The following UNKL variants were observed in gnomAD, a reference collection of about 807,000 sequenced individuals.
UNKL encodes putative E3 ubiquitin-protein ligase UNKL.
UNKL carries 60 observed loss-of-function variants against 78.0 expected under a neutral mutation model. The ratio of observed to expected loss-of-function variants is 0.77; its 90% CI spans 0.63 to 0.95. The LOEUF is 0.95. Among genes scored for constraint, UNKL ranks in the 40% least tolerant of loss-of-function variants. UNKL has a pLI of 0.00. For synonymous variants in UNKL, 608 were observed against 474.8 expected, an observed-to-expected ratio of 1.28 and a Z score of -3.65; for missense variants, 1,159 against 1,045.7, an observed-to-expected ratio of 1.11 and a Z score of -1.49.
At position 1,398,489 on chromosome 16, in the gene UNKL, G is replaced by A. The variant is rs58624674; in HGVS notation, c.734+885C>T. The A allele has an allele frequency of 7.6e-3, 9,324 of 1,226,808 alleles. 515 individuals are homozygous for A. The African/African-American group carries it at 0.13, about 17-fold the overall frequency. The allele number at this position is 1,226,808 out of a possible 1,614,324, so 76.0% of individuals were successfully genotyped here. A position where few individuals can be genotyped will look rare whatever the true frequency, so the allele number is the denominator to read the frequency against. On this transcript the variant is annotated intron_variant, in intron 5 of 14. Coordinates refer to ENST00000389221, the MANE Select transcript of UNKL (RefSeq NM_001372107.1). ...GAAGCTGCTCAGAGGGAGACTGAAC[G>A]TGGCATAACAACAAGGAGTGGGGCG...
rs2142102048 is a variant in UNKL at position 1,387,293 on chromosome 16, AG to A, written c.1087-1909del. Among the ~76,000 whole-genome samples, 1 of 152,294 alleles carries A rather than the reference AG, an allele frequency of 6.6e-6. No individual in the cohort carries two copies. Among genetic ancestry groups the A allele is most frequent in the East Asian group, 1.9e-4 (1 of 5,178 alleles). On this transcript the variant is annotated intron_variant, in intron 9 of 14. Coordinates refer to ENST00000389221, the MANE Select transcript of UNKL (RefSeq NM_001372107.1). This position sits in a 1 kb window ranked among gnomAD's most constrained non-coding sequence, Gnocchi z 4.1. ...AATCCCCCATGGTGAGCCTGGTGAC[AG>A]GGTTGCTGGAAGCCTCATGTTCTCC...
chr16:1,396,433 C>T lies in UNKL; in HGVS notation c.852+745G>A, dbSNP rs527678070. Among the ~76,000 whole-genome samples the T allele has an allele frequency of 2.7e-4, 40 of 150,348 alleles. No homozygotes were observed. In the South Asian group the frequency reaches 4.6e-3, roughly 17 times the overall value. ...TCCCGAGTAGCTAGGACTACAGGCG[C>T]GCACCACCACACCCAGCTAATTTTG... On this transcript the variant is annotated intron_variant, in intron 6 of 14. Coordinates refer to ENST00000389221, the MANE Select transcript of UNKL (RefSeq NM_001372107.1).
In UNKL at chr16:1,401,698, C is replaced by G. The variant is rs2037534505; in HGVS notation, c.468G>C (p.Glu156Asp). The change falls in exon 4 of 15, where the codon GAG (glutamate) becomes GAC (aspartate). Residue 156 changes from glutamate (E) to aspartate (D), a missense_variant. Coordinates refer to ENST00000389221, the MANE Select transcript of UNKL (RefSeq NM_001372107.1). ...DLRPPVCDVRELQAQEALQNG... is the reference protein window; with the variant it reads ...DLRPPVCDVRDLQAQEALQNG... The stretch of plus-strand genomic sequence containing the variant: ...TCTGCAAGGCTTCCTGGGCCTGCAG[C>G]TCCCTGCAAGCCGAGGACACAGTGG... The G allele has an allele frequency of 3.1e-6, 5 of 1,609,058 alleles. No individual in the cohort carries two copies. Among genetic ancestry groups the G allele is most frequent in the Admixed American group, 3.3e-5 (2 of 59,920 alleles).
At chr16:1,404,550 G>A (rs1431878908) in intron 2 of UNKL, among the ~76,000 whole-genome samples, 1 of 152,180 alleles carries the variant, frequency 6.6e-6, no homozygotes, top group East Asian at 1.9e-4. Context: ...GGGTCCCCAG[G>A]AGCCAGCCAA....
intron 6 of UNKL, 125 bp downstream of exon 6, chr16:1,397,053 G>A (rs1009975049): frequency 1.9e-6 from 2 of 1,063,212 alleles, no homozygotes; most frequent in South Asian, 1.5e-5. Context: ...CAGGCTTCCC[G>A]ACCTGTGCCA....
chr16:1,374,325 G>C (rs1464790374), intron 10 of UNKL, among the ~76,000 whole-genome samples: 3 of 152,198 alleles, frequency 2.0e-5, no homozygotes, highest in Non-Finnish European at 2.9e-5. Context: ...CTGGCTGCAA[G>C]TTCTTGGACC....
intron 10 of UNKL, among the ~76,000 whole-genome samples, chr16:1,376,480 T>G (rs1383520311): frequency 6.7e-6 from 1 of 148,506 alleles, no homozygotes; most frequent in Admixed American, 6.7e-5. Context: ...AGGGCTGGGG[T>G]GCACTCCTCC....
At chr16:1,395,594 C>T (rs1395559331) in intron 6 of UNKL, 1 of 434,910 alleles carries the variant, frequency 2.3e-6, no homozygotes, top group Non-Finnish European at 4.7e-6. Flanking sequence ...CCATCTCAGG[C>T]TGCCCCTTCC....
intron 12 of UNKL, 31 bp from the exon 13 acceptor site, chr16:1,367,889 C>T (rs527782908): frequency 2.0e-6 from 3 of 1,526,218 alleles, no homozygotes; most frequent in South Asian, 2.5e-5. Flanking sequence ...GACGGCCCAG[C>T]CCTGCTGTGC....
chr16:1,375,602 C>A (rs1412991713), intron 10 of UNKL, among the ~76,000 whole-genome samples: 2 of 152,178 alleles, frequency 1.3e-5, no homozygotes, highest in African/African-American at 4.8e-5. Context: ...ACGGAGACAC[C>A]GTTCCAATGA....
chr16:1,399,275 CA>C lies in UNKL; in HGVS notation c.734+98del. On this transcript the variant is annotated intron_variant, in intron 5 of 14. Coordinates refer to ENST00000389221, the MANE Select transcript of UNKL (RefSeq NM_001372107.1). This position sits in a 1 kb window ranked among gnomAD's most constrained non-coding sequence, Gnocchi z 5.8. ...CCCGGGGATGATGGTGCCACAAGGG[CA>C]GCCCTCCCATTAGAACCCCGGGGTG... 7.0e-7 allele frequency: 1 copy of C among 1,425,030 alleles called. No individual in the cohort carries two copies. Among genetic ancestry groups the C allele is most frequent in the East Asian group, 2.5e-5 (1 of 39,278 alleles). 88.3% of individuals were successfully genotyped at this position (1,425,030 alleles called of 1,614,324 possible).
At chr16:1,369,829 G>A (rs2035639154) in intron 12 of UNKL, 1 of 942,174 alleles carries the variant, frequency 1.1e-6, no homozygotes, top group South Asian at 1.6e-5. Context: ...ACAAAAACTA[G>A]CTGGGCGTGG....
Position 1,367,212 on chromosome 16 carries a change from G to A in UNKL, c.1926C>T (p.Gly642=), listed in dbSNP as rs61746377. 5.0e-6 allele frequency: 8 copies of A among 1,604,420 alleles called. No homozygotes were observed. The highest frequency in any genetic ancestry group is 1.7e-5 in the Admixed American group (1 of 59,442). ...QVKQLQEELE[G]LGVASTLPGL... ...CCGGCAGTGTGGAGGCTACGCCCAG[G>A]CCCTCCAGCTCCTCCTGCAGCTGCT... Residue 642 remains glycine (G), a synonymous_variant, in exon 14 of 15, where the codon GGC becomes GGT. Coordinates refer to ENST00000389221, the MANE Select transcript of UNKL (RefSeq NM_001372107.1).
In UNKL at chr16:1,370,367, G is replaced by A. The variant is rs1567201861; in HGVS notation, c.1358-10C>T. 1 of 1,531,962 alleles carries A rather than the reference G, an allele frequency of 6.5e-7. No individual in the cohort carries two copies. The highest frequency in any genetic ancestry group is 8.7e-7 in the Non-Finnish European group (1 of 1,145,872). The allele number at this position is 1,531,962 out of a possible 1,614,324, so 94.9% of individuals were successfully genotyped here. ...GCCAGCGACCTGGGACCTGGCGGGG[G>A]CGGACCAGTCAGCGAAGGGAGTACC... On this transcript the variant is annotated splice_polypyrimidine_tract_variant and intron_variant, in intron 11 of 14. Transcript: ENST00000389221.
chr16:1,382,996 A>C (rs968264445), intron 10 of UNKL, among the ~76,000 whole-genome samples: 1 of 151,026 alleles, frequency 6.6e-6, no homozygotes, highest in Non-Finnish European at 1.5e-5. Flanking sequence ...ACAGTGGCTC[A>C]CACCTGCAAC....
At position 1,399,037 on chromosome 16, in the gene UNKL, G is replaced by A. The variant is rs2037399611; in HGVS notation, c.734+337C>T. 2.1e-6 allele frequency: 3 copies of A among 1,435,306 alleles called. No homozygotes were observed. Among genetic ancestry groups the A allele is most frequent in the Non-Finnish European group, 2.7e-6 (3 of 1,092,534 alleles). 88.9% of individuals were successfully genotyped at this position (1,435,306 alleles called of 1,614,324 possible). A position where few individuals can be genotyped will look rare whatever the true frequency, so the allele number is the denominator to read the frequency against. On this transcript the variant is annotated intron_variant, in intron 5 of 14. Transcript: ENST00000389221. This position sits in a 1 kb window ranked among gnomAD's most constrained non-coding sequence, Gnocchi z 5.8. The stretch of plus-strand genomic sequence containing the variant: ...ATGCAGCCCACAGGCTGGAGAGCGT[G>A]GCTGCAACCAGAGGCACGGGTGGGG...
chr16:1,381,827 C>T (rs938008474), intron 10 of UNKL, among the ~76,000 whole-genome samples: 1 of 152,166 alleles, frequency 6.6e-6, no homozygotes, highest in African/African-American at 2.4e-5. Flanking sequence ...CCTGTGGTCT[C>T]AGCTCTACTT....
rs574913319 is a variant in UNKL at position 1,367,762 on chromosome 16, G to A, written c.1682C>T (p.Ser561Leu). 3.0e-5 allele frequency: 47 copies of A among 1,573,918 alleles called. No individual in the cohort carries two copies. The South Asian group carries it at 3.5e-4, about 12-fold the overall frequency. The change falls in exon 13 of 15, where the codon TCG (serine) becomes TTG (leucine). Residue 561 changes from serine to leucine, a missense_variant. Transcript: ENST00000389221. Reference protein sequence around the residue: ...PILSAGPPSSSSASPNGAELA... With the variant: ...PILSAGPPSSLSASPNGAELA... ...CTCAGCTCCGTTTGGACTTGCACTC[G>A]AAGAGGATGGGGGGCCGGCACTCAG...
intron 5 of UNKL, chr16:1,398,508 T>C: frequency 7.9e-7 from 1 of 1,267,348 alleles, no homozygotes; most frequent in Non-Finnish European, 1.0e-6. Context: ...CAACAAGGAG[T>C]GGGGCGTCCT....
Sources: allele counts gnomAD v4.1 joint callset (sites outside exome capture counted in the v4.1 genomes callset), GRCh38; gene constraint gnomAD v4.1.1; non-coding constraint Gnocchi (gnomAD v3.1); transcripts MANE v1.5; gene names NCBI Gene and HGNC (gene_info 2026-07-23, HGNC 2026-07-21).